OPHN1: variants seen among roughly 807,000 people sequenced by gnomAD.
OPHN1 encodes the protein oligophrenin 1.
In OPHN1, 11 loss-of-function variants were observed where a neutral mutation model predicts 60.7. The observed-to-expected ratio is 0.18, with a 90% CI of 0.11 to 0.30. The LOEUF (loss-of-function observed/expected upper bound fraction) is 0.30. Among genes scored for constraint, OPHN1 ranks in the 10% least tolerant of loss-of-function variants. The pLI is 1.00. For synonymous variants in OPHN1, 226 were observed against 222.6 expected (o/e 1.02, Z -0.14); for missense variants, 449 against 611.0 (o/e 0.73, Z 2.80).
intron 6 of OPHN1, among the ~76,000 whole-genome samples, chrX:68,217,704 C>A (rs1028819416): frequency 9.0e-6 from 1 of 110,556 alleles, no homozygotes; most frequent in African/African-American, 3.3e-5. Context: ...TCCAACAGAC[C>A]TGCAGCTGAG....
intron 15 of OPHN1, among the ~76,000 whole-genome samples, chrX:68,130,591 AT>A (rs2077190072): frequency 9.0e-6 from 1 of 111,700 alleles, no homozygotes; most frequent in Non-Finnish European, 1.9e-5. Context: ...TATGGAAAAT[AT>A]TATGTTAAGA....
chrX:68,361,735 A>G (rs2147718678), intron 2 of OPHN1, among the ~76,000 whole-genome samples: 1 of 111,353 alleles, frequency 9.0e-6, no homozygotes, highest in African/African-American at 3.3e-5. Context: ...AGGAGTGCAG[A>G]CATCCCTTCA....
chrX:68,250,836 G>T (rs1158476753), intron 5 of OPHN1, among the ~76,000 whole-genome samples: 1 of 111,270 alleles, frequency 9.0e-6, no homozygotes, highest in Non-Finnish European at 1.9e-5. Flanking sequence ...GACAGAAGAG[G>T]CCATGAGTCA....
chrX:68,310,132 G>C (rs1289540823), intron 2 of OPHN1, among the ~76,000 whole-genome samples: 1 of 111,513 alleles, frequency 9.0e-6, no homozygotes, highest in Non-Finnish European at 1.9e-5. Context: ...TGTTTACATT[G>C]ACTTTACAGA....
intron 4 of OPHN1, among the ~76,000 whole-genome samples, chrX:68,276,872 G>A (rs1371985345): frequency 9.1e-6 from 1 of 110,437 alleles, no homozygotes; most frequent in Non-Finnish European, 1.9e-5. Flanking sequence ...AACAGAAGAG[G>A]CCAAATTCTA....
At chrX:68,242,914 C>G (rs113216919) in intron 5 of OPHN1, among the ~76,000 whole-genome samples, 1,795 of 110,898 alleles carry the variant, frequency 0.016, 41 homozygotes, top group African/African-American at 0.056. Context: ...GTTGCCCAGC[C>G]TGGAGTGCAG....
Position 68,128,372 on chromosome X carries a change from A to G in OPHN1, c.1277-9040T>C, listed in dbSNP as rs1372628857. ...GCTTAGACCTATTGATAATGTTTTTAACATTAACAAGGAAGCCTGTTAAAA... is the reference window on the plus strand; with the variant it reads ...GCTTAGACCTATTGATAATGTTTTTGACATTAACAAGGAAGCCTGTTAAAA... On this transcript the variant is annotated intron_variant, in intron 15 of 24. Coordinates refer to ENST00000355520, the MANE Select transcript of OPHN1 (RefSeq NM_002547.3). 3.6e-5 allele frequency among the ~76,000 whole-genome samples: 4 copies of G among 111,402 alleles called. No individual in the cohort carries two copies. The Admixed American group carries it at 3.8e-4, about 11-fold the overall frequency.
chrX:68,419,097 T>A (rs189369636), intron 2 of OPHN1, among the ~76,000 whole-genome samples: 1 of 110,082 alleles, frequency 9.1e-6, no homozygotes, highest in African/African-American at 3.3e-5. Flanking sequence ...AACCTCCGCC[T>A]CCCGGGTTCA....
chrX:68,304,596 G>A (rs1339391805), intron 2 of OPHN1, among the ~76,000 whole-genome samples: 1 of 110,885 alleles, frequency 9.0e-6, no homozygotes, highest in African/African-American at 3.3e-5. Context: ...AATTAACAAA[G>A]GGCTTAGCAT....
chrX:68,377,574 C>T (rs2078566902), intron 2 of OPHN1, among the ~76,000 whole-genome samples: 2 of 107,820 alleles, frequency 1.9e-5, no homozygotes, highest in East Asian at 2.9e-4. Flanking sequence ...AATGCTATCC[C>T]TCCTCCTCCC....
chrX:68,264,008 A>C (rs1177611104), intron 5 of OPHN1, among the ~76,000 whole-genome samples: 1 of 111,596 alleles, frequency 9.0e-6, no homozygotes, highest in African/African-American at 3.3e-5. Context: ...TTAGTTAATT[A>C]CCCTCAGAAT....
intron 2 of OPHN1, among the ~76,000 whole-genome samples, chrX:68,360,405 C>T (rs1405787582): frequency 2.7e-5 from 3 of 110,607 alleles, no homozygotes; most frequent in African/African-American, 9.9e-5. Flanking sequence ...TTGAACTCCC[C>T]GTGGTGCCTC....
intron 15 of OPHN1, among the ~76,000 whole-genome samples, chrX:68,147,677 T>A (rs2077269348): frequency 8.9e-6 from 1 of 111,920 alleles, no homozygotes; most frequent in Non-Finnish European, 1.9e-5. Flanking sequence ...CACTAAACAC[T>A]ATATAAACAT....
At chrX:68,193,111 A>T in intron 14 of OPHN1, 118 bp from the exon 15 acceptor site, 1 of 558,394 alleles carries the variant, frequency 1.8e-6, no homozygotes, top group Non-Finnish European at 3.2e-6. Context: ...CAAGTTCTCC[A>T]GCCTTCCCTG....
chrX:68,426,868 G>A (rs2078861156), intron 2 of OPHN1, among the ~76,000 whole-genome samples: 1 of 67,957 alleles, frequency 1.5e-5, no homozygotes, highest in Non-Finnish European at 3.1e-5. Flanking sequence ...GTGACAGAGT[G>A]AGACTCTGTC....
At chrX:68,385,355 GACAA>G (rs1230589355) in intron 2 of OPHN1, among the ~76,000 whole-genome samples, 2 of 111,668 alleles carry the variant, frequency 1.8e-5, no homozygotes, top group African/African-American at 6.5e-5. Context: ...GCCCAGCCCA[GACAA>G]ACAATGAAGA....
intron 2 of OPHN1, among the ~76,000 whole-genome samples, chrX:68,381,489 G>A (rs1176630169): frequency 9.0e-6 from 1 of 111,614 alleles, no homozygotes; most frequent in African/African-American, 3.3e-5. Context: ...GCCCTCCACA[G>A]TCTGATTTGC....
intron 3 of OPHN1, among the ~76,000 whole-genome samples, chrX:68,293,925 T>G (rs775518300): frequency 2.9e-4 from 32 of 111,138 alleles, no homozygotes; most frequent in Non-Finnish European, 5.3e-4. Flanking sequence ...ATGTTTATTC[T>G]CCGCATCATC....
chrX:68,408,413 G>A (rs932832229), intron 2 of OPHN1, among the ~76,000 whole-genome samples: 1 of 111,478 alleles, frequency 9.0e-6, no homozygotes, highest in African/African-American at 3.3e-5. Context: ...TTTCTAAGGG[G>A]TAGAAACCAC....
Sources: allele counts gnomAD v4.1 joint callset (sites outside exome capture counted in the v4.1 genomes callset), GRCh38; gene constraint gnomAD v4.1.1; transcripts MANE v1.5; gene names NCBI Gene and HGNC (gene_info 2026-07-23, HGNC 2026-07-21).